The following GRIK2 variants were observed in gnomAD, a reference collection of about 807,000 sequenced individuals.
GRIK2 encodes glutamate ionotropic receptor kainate type subunit 2.
Under a neutral mutation model 100.3 loss-of-function variants are expected in GRIK2, and 32 were observed. The ratio of observed to expected loss-of-function variants is 0.32; its 90% CI spans 0.24 to 0.43. The LOEUF is 0.43. Among genes scored for constraint, GRIK2 ranks in the 20% least tolerant of loss-of-function variants. The probability of loss-of-function intolerance (pLI) is 1.00; values close to 1 mark genes in which losing one functional copy is unlikely to be tolerated. For missense variants in GRIK2, 843 were observed against 1,114.9 expected (o/e 0.76, Z 3.47); for synonymous variants, 417 against 389.4 (o/e 1.07, Z -0.83).
chr6:101,744,537 T>TATATATATACAC (rs1397368576), intron 7 of GRIK2: 3 of 119,184 alleles, frequency 2.5e-5, no homozygotes, highest in African/African-American at 1.0e-4. Flanking sequence ...TATATATATA[T>TATATATATACAC]ATATATATAT....
At chr6:101,944,542 C>T (rs1003107652) in intron 14 of GRIK2, among the ~76,000 whole-genome samples, 7 of 152,084 alleles carry the variant, frequency 4.6e-5, no homozygotes, top group African/African-American at 7.2e-5. Flanking sequence ...CAAAGATTTA[C>T]TGTATTGTCT....
At chr6:101,630,847 C>CTT (rs796264305) in intron 4 of GRIK2, among the ~76,000 whole-genome samples, 5 of 147,484 alleles carry the variant, frequency 3.4e-5, no homozygotes, top group African/African-American at 7.5e-5. Context: ...CACACATGTG[C>CTT]TTTTTTTTTT....
At chr6:101,736,069 TC>T (rs1775611669) in intron 7 of GRIK2, among the ~76,000 whole-genome samples, 2 of 148,294 alleles carry the variant, frequency 1.3e-5, no homozygotes, top group Admixed American at 6.7e-5. Context: ...TCCAAAATGA[TC>T]TTTTTTTACT....
chr6:101,490,069 A>G (rs1773023176), intron 2 of GRIK2, among the ~76,000 whole-genome samples: 1 of 146,560 alleles, frequency 6.8e-6, no homozygotes, highest in Non-Finnish European at 1.5e-5. Flanking sequence ...AGTCTCATAA[A>G]AAGACACAGA....
intron 14 of GRIK2, among the ~76,000 whole-genome samples, chr6:101,944,781 TAA>T (rs1452652379): frequency 6.6e-6 from 1 of 152,088 alleles, no homozygotes; most frequent in African/African-American, 2.4e-5. Flanking sequence ...CACATTTTTT[TAA>T]AGAGTCAATA....
At chr6:101,416,062 G>A (rs1291345430) in intron 2 of GRIK2, among the ~76,000 whole-genome samples, 1 of 152,060 alleles carries the variant, frequency 6.6e-6, no homozygotes, top group Admixed American at 6.5e-5. Context: ...AATTGTTTCA[G>A]CTAATTTAGA....
intron 11 of GRIK2, among the ~76,000 whole-genome samples, chr6:101,878,450 G>A (rs1233963588): frequency 6.6e-6 from 1 of 151,648 alleles, no homozygotes; most frequent in East Asian, 1.9e-4. Context: ...GAATTACATG[G>A]GAGGCCATGA....
chr6:101,764,653 T>TTGATA (rs1345768995), intron 7 of GRIK2, among the ~76,000 whole-genome samples: 1 of 152,086 alleles, frequency 6.6e-6, no homozygotes, highest in East Asian at 1.9e-4. Context: ...TTATCATCAT[T>TTGATA]GTTATTATTT....
chr6:101,971,684 T>A (rs1217850189), intron 14 of GRIK2, among the ~76,000 whole-genome samples: 2 of 151,976 alleles, frequency 1.3e-5, no homozygotes, highest in Admixed American at 6.6e-5. Flanking sequence ...TGGGGTATGA[T>A]CCTGTCACCC....
chr6:101,983,277 C>A (rs1793823579), intron 14 of GRIK2, among the ~76,000 whole-genome samples: 1 of 151,748 alleles, frequency 6.6e-6, no homozygotes, highest in African/African-American at 2.4e-5. Flanking sequence ...ATTTCCAGAG[C>A]AAAATGAAGT....
chr6:101,889,208 A>G (rs553787177), intron 11 of GRIK2, among the ~76,000 whole-genome samples: 2 of 152,116 alleles, frequency 1.3e-5, no homozygotes, highest in Admixed American at 6.6e-5. Flanking sequence ...ATTCTCAGCT[A>G]TATAATTTGA....
intron 12 of GRIK2, among the ~76,000 whole-genome samples, chr6:101,919,610 T>A (rs773795407): frequency 5.3e-5 from 8 of 151,810 alleles, no homozygotes; most frequent in Non-Finnish European, 8.8e-5. Flanking sequence ...AGTTTTGTAA[T>A]CATCAGTATA....
chr6:101,681,637 C>G (rs891108167), intron 5 of GRIK2, among the ~76,000 whole-genome samples: 9 of 152,030 alleles, frequency 5.9e-5, no homozygotes, highest in Non-Finnish European at 1.0e-4. Context: ...ATTGTGCTAT[C>G]AAATACTAGA....
intron 15 of GRIK2, among the ~76,000 whole-genome samples, chr6:102,041,118 C>T (rs1019326142): frequency 2.0e-5 from 3 of 151,504 alleles, no homozygotes; most frequent in Admixed American, 6.6e-5. Flanking sequence ...ATGCCTGCTC[C>T]ACAGACATCA....
At chr6:101,868,796 A>C (rs971927556) in intron 11 of GRIK2, among the ~76,000 whole-genome samples, 3 of 151,904 alleles carry the variant, frequency 2.0e-5, no homozygotes, top group African/African-American at 7.3e-5. Context: ...TTTCAGAAAA[A>C]AATTGCTCAA....
chr6:101,806,130 A>G (rs536851889), intron 9 of GRIK2, among the ~76,000 whole-genome samples: 19 of 152,146 alleles, frequency 1.2e-4, no homozygotes, highest in South Asian at 1.2e-3. Context: ...AGTGCCTTCA[A>G]TGGAGGAGGG....
intron 7 of GRIK2, among the ~76,000 whole-genome samples, chr6:101,706,182 G>A (rs1284007214): frequency 1.3e-5 from 2 of 151,854 alleles, no homozygotes; most frequent in Non-Finnish European, 2.9e-5. Flanking sequence ...CATAGTGAAA[G>A]CTGAATTTTC....
rs28548250 is a variant in GRIK2, at chr6:101,964,989, C to T, written c.2085+36357C>T. Among the ~76,000 whole-genome samples, 1,384 of 151,812 alleles carry T rather than the reference C, an allele frequency of 9.1e-3. 19 individuals carry two copies. The highest frequency in any genetic ancestry group is 0.031 in the African/African-American group (1,300 of 41,398). On this transcript the variant is annotated intron_variant, in intron 14 of 16. Coordinates refer to ENST00000369134, the MANE Select transcript of GRIK2 (RefSeq NM_021956.5). ...GAATAGTTTTTTTAAAGGAAGTAGCCGGAAAATGGATAACCTGGTCTGCTA... is the reference window on the plus strand; with the variant it reads ...GAATAGTTTTTTTAAAGGAAGTAGCTGGAAAATGGATAACCTGGTCTGCTA...
chr6:101,452,380 A>T (rs2128249541), intron 2 of GRIK2, among the ~76,000 whole-genome samples: 1 of 151,902 alleles, frequency 6.6e-6, no homozygotes, highest in Non-Finnish European at 1.5e-5. Context: ...AAAGATAATA[A>T]TGCCTGAGGT....
Sources: allele counts gnomAD v4.1 joint callset (sites outside exome capture counted in the v4.1 genomes callset), GRCh38; gene constraint gnomAD v4.1.1; transcripts MANE v1.5; gene names NCBI Gene and HGNC (gene_info 2026-07-23, HGNC 2026-07-21).